Variants in SORCS1 observed in about 807,000 individuals in gnomAD.
SORCS1 encodes sortilin related VPS10 domain containing receptor 1.
A neutral mutation model predicts 146.1 loss-of-function variants in SORCS1; 60 were observed. The observed-to-expected ratio is 0.41, with a 90% CI of 0.33 to 0.51. The LOEUF (loss-of-function observed/expected upper bound fraction) is 0.51. Ranked by LOEUF, SORCS1 falls within the 20% of genes least tolerant of loss-of-function variation. The pLI, the probability that SORCS1 is intolerant of heterozygous loss-of-function variation, is 0.21. For missense variants in SORCS1, 1,352 were observed against 1,487.6 expected, an observed-to-expected ratio of 0.91 and a Z score of 1.50; for synonymous variants, 637 against 584.0, an observed-to-expected ratio of 1.09 and a Z score of -1.31.
intron 1 of SORCS1, among the ~76,000 whole-genome samples, chr10:106,991,942 T>C (rs547250676): frequency 6.6e-6 from 1 of 152,374 alleles, no homozygotes; most frequent in African/African-American, 2.4e-5. Flanking sequence ...CTCTTTTGGA[T>C]CTTTTTTATC....
chr10:106,768,683 A>G (rs967633329), intron 4 of SORCS1, among the ~76,000 whole-genome samples: 1 of 152,212 alleles, frequency 6.6e-6, no homozygotes, highest in Non-Finnish European at 1.5e-5. Flanking sequence ...TTTAAATTAA[A>G]TTGATTAAAG....
intron 23 of SORCS1, among the ~76,000 whole-genome samples, chr10:106,599,981 T>C (rs1589443304): frequency 6.6e-6 from 1 of 151,950 alleles, no homozygotes; most frequent in Non-Finnish European, 1.5e-5. Context: ...GCAGAGACAG[T>C]GTTTCACCAT....
chr10:106,589,709 A>C (rs1845483750), intron 24 of SORCS1, among the ~76,000 whole-genome samples: 2 of 151,614 alleles, frequency 1.3e-5, no homozygotes, highest in African/African-American at 4.8e-5. Context: ...AAAAAAAAAA[A>C]AAAAAAAACA....
chr10:106,577,732 C>A, intron 25 of SORCS1, 177 bp from the exon 26 acceptor site: 1 of 1,274,050 alleles, frequency 7.8e-7, no homozygotes, highest in Non-Finnish European at 1.0e-6. Flanking sequence ...AAACGATCCC[C>A]AAAAATGCAC....
chr10:106,844,093 G>A (rs1320733117), intron 2 of SORCS1, among the ~76,000 whole-genome samples: 1 of 152,150 alleles, frequency 6.6e-6, no homozygotes, highest in East Asian at 1.9e-4. Context: ...ATAGTTGTAA[G>A]GTGATATTTC....
intron 2 of SORCS1, among the ~76,000 whole-genome samples, chr10:106,890,692 C>G (rs1951194332): frequency 6.6e-6 from 1 of 152,186 alleles, no homozygotes; most frequent in South Asian, 2.1e-4. Flanking sequence ...TTGAAATTAA[C>G]AAATCCACTC....
intron 13 of SORCS1, 69 bp downstream of exon 13, chr10:106,677,244 G>A: frequency 2.9e-6 from 4 of 1,373,722 alleles, no homozygotes; most frequent in Non-Finnish European, 3.1e-6. Flanking sequence ...TTGATAGCCT[G>A]ACTCCTAGAC....
intron 17 of SORCS1, among the ~76,000 whole-genome samples, chr10:106,664,534 C>G (rs549119046): frequency 6.6e-6 from 1 of 151,946 alleles, no homozygotes; most frequent in Non-Finnish European, 1.5e-5. Context: ...CCCAGCTACT[C>G]GGGAAGCTGA....
At chr10:106,967,798 T>G (rs116254009) in intron 1 of SORCS1, among the ~76,000 whole-genome samples, 3,082 of 152,222 alleles carry the variant, frequency 0.02, 100 homozygotes, top group African/African-American at 0.07. Flanking sequence ...TTAGCTCACC[T>G]GATACACAGC....
At position 106,614,699 on chromosome 10, in the gene SORCS1, T is replaced by C. The variant is rs1167559548; in HGVS notation, c.2921-2676A>G. 2.6e-5 allele frequency among the ~76,000 whole-genome samples: 4 copies of C among 152,240 alleles called. No individual in the cohort carries two copies. The East Asian group carries it at 7.7e-4, about 29-fold the overall frequency. On this transcript the variant is annotated intron_variant, in intron 21 of 25. Transcript: ENST00000263054. ...GTTTATCTTAGTAAAAGGACACAAA[T>C]GAGAAAATGATGCAGCTCCCTCCGT...
intron 2 of SORCS1, among the ~76,000 whole-genome samples, chr10:106,875,895 C>A (rs1371419026): frequency 6.6e-6 from 1 of 152,132 alleles, no homozygotes; most frequent in Non-Finnish European, 1.5e-5. Context: ...TTAAGTGACA[C>A]TGATGGCTTG....
chr10:106,651,343 A>G (rs139184817), intron 18 of SORCS1, among the ~76,000 whole-genome samples: 157 of 152,206 alleles, frequency 1.0e-3, no homozygotes, highest in Non-Finnish European at 1.8e-3. Flanking sequence ...CAGCCTTGCC[A>G]CTGTTTTGTT....
chr10:106,877,430 AT>A (rs1950630921), intron 2 of SORCS1, among the ~76,000 whole-genome samples: 1 of 151,944 alleles, frequency 6.6e-6, no homozygotes, highest in Non-Finnish European at 1.5e-5. Context: ...AAAAAAAAAA[AT>A]TAGTTGTGCA....
chr10:106,748,523 C>G (rs772841455), intron 5 of SORCS1, among the ~76,000 whole-genome samples: 1 of 152,098 alleles, frequency 6.6e-6, no homozygotes, highest in Non-Finnish European at 1.5e-5. Flanking sequence ...CCCCGAGATG[C>G]AAGAATATTG....
In SORCS1 at chr10:107,035,279, C is replaced by A. The variant is rs199915228; in HGVS notation, c.559-78699G>T. Among the ~76,000 whole-genome samples the A allele has an allele frequency of 7.5e-3, 967 of 128,246 alleles. 12 individuals are homozygous for A. The highest frequency in any genetic ancestry group is 0.022 in the African/African-American group (688 of 31,434). The allele number at this position is 128,246 out of a possible 152,430, so 84.1% of individuals were successfully genotyped here. A position where few individuals can be genotyped will look rare whatever the true frequency, so the allele number is the denominator to read the frequency against. ...TGAAGCTTCAAAAAAAAAAAAACAA[C>A]AAAAAAAAAAACACAGAAAAACTTC... On this transcript the variant is annotated intron_variant, in intron 1 of 25. Coordinates refer to ENST00000263054, the MANE Select transcript of SORCS1 (RefSeq NM_052918.5).
chr10:106,874,928 T>C (rs1950543250), intron 2 of SORCS1, among the ~76,000 whole-genome samples: 1 of 152,216 alleles, frequency 6.6e-6, no homozygotes. Flanking sequence ...TTTGTGTTTT[T>C]TCTGCTTGTT....
chr10:106,646,895 G>T (rs1038187119), intron 18 of SORCS1, among the ~76,000 whole-genome samples: 1 of 150,940 alleles, frequency 6.6e-6, no homozygotes, highest in Admixed American at 6.6e-5. Flanking sequence ...GTGGGTGGGT[G>T]TGTGTCTATA....
At chr10:106,695,809 G>A (rs1281604145) in intron 9 of SORCS1, among the ~76,000 whole-genome samples, 1 of 152,116 alleles carries the variant, frequency 6.6e-6, no homozygotes, top group South Asian at 2.1e-4. Context: ...AATTGACACT[G>A]ATGGAAAATT....
intron 2 of SORCS1, among the ~76,000 whole-genome samples, chr10:106,905,505 C>T (rs893090395): frequency 6.6e-6 from 1 of 152,118 alleles, no homozygotes; most frequent in Non-Finnish European, 1.5e-5. Context: ...ACTATTCTTT[C>T]CTCCTCCCTA....
Sources: allele counts gnomAD v4.1 joint callset (sites outside exome capture counted in the v4.1 genomes callset), GRCh38; gene constraint gnomAD v4.1.1; transcripts MANE v1.5; gene names NCBI Gene and HGNC (gene_info 2026-07-23, HGNC 2026-07-21).